Variants in LASP1 observed in about 807,000 individuals in gnomAD.
LASP1 encodes LIM and SH3 protein 1.
In LASP1, 10 loss-of-function variants were observed where a neutral mutation model predicts 38.6. The observed-to-expected ratio is 0.26, with a 90% CI of 0.16 to 0.44. LASP1 has a LOEUF of 0.44. Among genes scored for constraint, LASP1 ranks in the 20% least tolerant of loss-of-function variants. The pLI is 1.00. For synonymous variants in LASP1, 132 were observed against 140.8 expected (o/e 0.94, Z 0.44); for missense variants, 243 against 375.7 (o/e 0.65, Z 2.92).
rs1420160759 is a variant in LASP1 at position 38,919,402 on chromosome 17, C to T, written c.*624C>T. On this transcript the variant is annotated 3_prime_UTR_variant, in exon 7 of 7. Coordinates refer to ENST00000318008, the MANE Select transcript of LASP1 (RefSeq NM_006148.4). ...TTCATCCCCTCCCCGCGCGTTCCTT[C>T]GCACACTGTGATTTTGCCCTCCTGC... is the stretch of plus-strand genomic sequence containing the variant. The T allele has an allele frequency of 1.7e-5, 4 of 241,394 alleles. No individual in the cohort carries two copies. Among genetic ancestry groups the T allele is most frequent in the Non-Finnish European group, 2.5e-5 (3 of 122,244 alleles). The allele number at this position is 241,394 out of a possible 1,614,324, so 15.0% of individuals were successfully genotyped here. A position where few individuals can be genotyped will look rare whatever the true frequency, so the allele number is the denominator to read the frequency against.
chr17:38,910,485 G>T (rs112914357), intron 4 of LASP1, among the ~76,000 whole-genome samples: 113 of 151,110 alleles, frequency 7.5e-4, no homozygotes, highest in Admixed American at 1.3e-3. Context: ...AAGCATTAAA[G>T]AATGTGGAAC....
At chr17:38,914,677 GACACACACACACACACACACAC>G (rs10599326) in intron 5 of LASP1, among the ~76,000 whole-genome samples, 1 of 146,668 alleles carries the variant, frequency 6.8e-6, no homozygotes, top group Admixed American at 6.8e-5. Context: ...GCGAGAGACA[GACACACACACACACACACACAC>G]ACACACACAC....
intron 1 of LASP1, among the ~76,000 whole-genome samples, chr17:38,875,073 G>GTGTGTGTGTGTT (rs1322084628): frequency 1.4e-3 from 213 of 147,614 alleles, no homozygotes; most frequent in African/African-American, 5.2e-3. Context: ...GTGTGTGTGT[G>GTGTGTGTGTGTT]TGTGTGTGTG....
At chr17:38,880,660 C>CAAGGCAGTCATTCTCCCTCCT (rs1393910436) in intron 2 of LASP1, among the ~76,000 whole-genome samples, 1 of 152,200 alleles carries the variant, frequency 6.6e-6, no homozygotes, top group Admixed American at 6.5e-5. Context: ...TGTAGTAGCA[C>CAAGGCAGTCATTCTCCCTCCT]CTCCTCGCCC....
At chr17:38,903,844 C>A (rs564339751) in intron 4 of LASP1, 1 of 152,342 alleles carries the variant, frequency 6.6e-6, no homozygotes, top group South Asian at 2.1e-4. Context: ...GTATATTACA[C>A]ATCTATGGTG....
rs1285063105 is a variant in LASP1 at position 38,920,160 on chromosome 17, C to T, written c.*1382C>T. 4.3e-5 allele frequency: 23 copies of T among 531,694 alleles called. No individual in the cohort carries two copies. Among genetic ancestry groups the T allele is most frequent in the Non-Finnish European group, 7.0e-5 (19 of 273,008 alleles). 32.9% of individuals were successfully genotyped at this position (531,694 alleles called of 1,614,324 possible). A position where few individuals can be genotyped will look rare whatever the true frequency, so the allele number is the denominator to read the frequency against. ...TGTGGAGTTGGGGCTGCCATAGGGT[C>T]TGCAGCCTGCTGGGGCTAAGCGGTG... On this transcript the variant is annotated 3_prime_UTR_variant, in exon 7 of 7. Coordinates refer to ENST00000318008, the MANE Select transcript of LASP1 (RefSeq NM_006148.4).
intron 2 of LASP1, among the ~76,000 whole-genome samples, chr17:38,887,892 C>T (rs532717223): frequency 1.3e-5 from 2 of 152,266 alleles, no homozygotes; most frequent in African/African-American, 2.4e-5. Context: ...GAGAACATGC[C>T]GAGCAGAGGG....
intron 4 of LASP1, among the ~76,000 whole-genome samples, chr17:38,906,538 A>C (rs927056464): frequency 1.3e-5 from 2 of 152,042 alleles, no homozygotes; most frequent in Non-Finnish European, 1.5e-5. Flanking sequence ...AAATAAATAA[A>C]TAAATAAATA....
intron 4 of LASP1, among the ~76,000 whole-genome samples, chr17:38,911,292 C>T (rs1334954745): frequency 6.6e-6 from 1 of 152,116 alleles, no homozygotes; most frequent in African/African-American, 2.4e-5. Context: ...CCGAGATGGA[C>T]CTTGAAGGAT....
intron 6 of LASP1, chr17:38,915,404 G>C: frequency 2.8e-6 from 1 of 355,450 alleles, no homozygotes; most frequent in Non-Finnish European, 5.2e-6. Context: ...CCTTACCCCA[G>C]CTACCTGGGA....
At chr17:38,891,929 TA>T (rs796711391) in intron 3 of LASP1, among the ~76,000 whole-genome samples, 41 of 143,466 alleles carry the variant, frequency 2.9e-4, no homozygotes, top group African/African-American at 5.9e-4. Flanking sequence ...ACCTGGTCCC[TA>T]AAAAAAAAAA....
In LASP1 at chr17:38,918,594, T is replaced by C; in HGVS notation, c.613-11T>C. 6.3e-7 allele frequency: 1 copy of C among 1,577,348 alleles called. No homozygotes were observed. The highest frequency in any genetic ancestry group is 8.7e-7 in the Non-Finnish European group (1 of 1,155,380). ...ATGCAGGGCCCTAGGCTGACCACAC[T>C]TCCCCCACAGAAGCGGTACCGCGCG... On this transcript the variant is annotated splice_polypyrimidine_tract_variant and intron_variant, in intron 6 of 6. Coordinates refer to ENST00000318008, the MANE Select transcript of LASP1 (RefSeq NM_006148.4). This position sits in a 1 kb window ranked among gnomAD's most constrained non-coding sequence, Gnocchi z 4.4.
intron 2 of LASP1, among the ~76,000 whole-genome samples, chr17:38,881,837 GC>G (rs1913961238): frequency 6.6e-6 from 1 of 152,204 alleles, no homozygotes. Context: ...CTTGCAGGGG[GC>G]TGGTCAAGAA....
chr17:38,914,905 G>A, intron 5 of LASP1, 138 bp from the exon 6 acceptor site: 1 of 760,636 alleles, frequency 1.3e-6, no homozygotes, highest in Non-Finnish European at 2.3e-6. Context: ...TGCACACGTG[G>A]ACATCAGCCT....
chr17:38,885,185 T>C (rs1914081542), intron 2 of LASP1, among the ~76,000 whole-genome samples: 1 of 152,194 alleles, frequency 6.6e-6, no homozygotes, highest in Admixed American at 6.5e-5. Flanking sequence ...GGCCTCCCCT[T>C]CGCTGTCTGG....
chr17:38,888,965 C>T (rs1316692329), intron 2 of LASP1, among the ~76,000 whole-genome samples: 1 of 152,234 alleles, frequency 6.6e-6, no homozygotes, highest in Non-Finnish European at 1.5e-5. Flanking sequence ...ATCTGGATCC[C>T]TGTGTGTCTT....
intron 4 of LASP1, among the ~76,000 whole-genome samples, chr17:38,905,610 T>A (rs149881376): frequency 2.0e-5 from 3 of 152,044 alleles, no homozygotes; most frequent in African/African-American, 7.2e-5. Flanking sequence ...CTGCACTGAT[T>A]TACCCTCCCA....
At chr17:38,875,736 A>G (rs1457465449) in intron 1 of LASP1, among the ~76,000 whole-genome samples, 1 of 152,136 alleles carries the variant, frequency 6.6e-6, no homozygotes, top group Non-Finnish European at 1.5e-5. Flanking sequence ...TGAATCCCAG[A>G]TTCTCAGCCT....
At chr17:38,870,682 G>A (rs1261736956) in intron 1 of LASP1, among the ~76,000 whole-genome samples, 3 of 152,172 alleles carry the variant, frequency 2.0e-5, no homozygotes, top group Non-Finnish European at 4.4e-5. Context: ...AGGGGGCGGG[G>A]GGGCGGGGCA....
Sources: allele counts gnomAD v4.1 joint callset (sites outside exome capture counted in the v4.1 genomes callset), GRCh38; gene constraint gnomAD v4.1.1; non-coding constraint Gnocchi (gnomAD v3.1); transcripts MANE v1.5; gene names NCBI Gene and HGNC (gene_info 2026-07-23, HGNC 2026-07-21).